Variants in SYT16 observed in about 807,000 individuals in gnomAD.
The protein encoded by SYT16 is synaptotagmin 16, also known as synaptotagmin-16.
Under a neutral mutation model 61.4 loss-of-function variants are expected in SYT16, and 42 were observed. That is an observed-to-expected ratio of 0.68 (90% CI 0.53 to 0.89). SYT16 has a LOEUF of 0.89. Among genes scored for constraint, SYT16 ranks in the 40% least tolerant of loss-of-function variants. The pLI, the probability that SYT16 is intolerant of heterozygous loss-of-function variation, is 0.00. For missense variants in SYT16, 804 were observed against 807.3 expected (o/e 1.00, Z 0.05); for synonymous variants, 314 against 302.3 (o/e 1.04, Z -0.40).
intron 2 of SYT16, among the ~76,000 whole-genome samples, chr14:61,975,513 G>T (rs1476271944): frequency 6.6e-6 from 1 of 152,194 alleles, no homozygotes; most frequent in African/African-American, 2.4e-5. Flanking sequence ...TGGTGAGGGG[G>T]AGACAGGAGC....
rs891953410 is a variant in SYT16, at chr14:62,083,527, C to T, written c.1435-669C>T. On this transcript the variant is annotated intron_variant, in intron 6 of 7. Coordinates refer to ENST00000683842, the MANE Select transcript of SYT16 (RefSeq NM_001367656.1). Reference sequence around the variant, plus strand: ...ATAAACATGACAGAAAGCTCAGGTTCTCCTGGGCTCACTTGGTGCCTGCCA... The same window carrying T: ...ATAAACATGACAGAAAGCTCAGGTTTTCCTGGGCTCACTTGGTGCCTGCCA... Among the ~76,000 whole-genome samples, 3 of 152,224 alleles carry T rather than the reference C, an allele frequency of 2.0e-5. No homozygotes were observed. In the East Asian group the frequency reaches 5.8e-4, roughly 29 times the overall value.
intron 1 of SYT16, among the ~76,000 whole-genome samples, chr14:61,903,143 ACTGGATTAGG>A (rs2048580944): frequency 6.6e-6 from 1 of 152,176 alleles, no homozygotes; most frequent in Admixed American, 6.6e-5. Context: ...CATCAGTCAT[ACTGGATTAGG>A]GGCCCATCTT....
intron 1 of SYT16, among the ~76,000 whole-genome samples, chr14:61,816,771 G>C (rs963552540): frequency 6.6e-6 from 1 of 152,076 alleles, no homozygotes; most frequent in African/African-American, 2.4e-5. Context: ...CAGCACTTTG[G>C]GAGGCCGAGG....
At chr14:61,817,007 TCACA>T (rs35451986) in intron 1 of SYT16, among the ~76,000 whole-genome samples, 12 of 115,668 alleles carry the variant, frequency 1.0e-4, no homozygotes, top group South Asian at 2.6e-4. Flanking sequence ...TGAGGCTCCG[TCACA>T]CACACACACA....
At chr14:61,830,655 A>C (rs144934712) in intron 1 of SYT16, among the ~76,000 whole-genome samples, 3,054 of 152,170 alleles carry the variant, frequency 0.02, 51 homozygotes, top group African/African-American at 0.042. Flanking sequence ...CTCACTCTCT[A>C]GTTGAGAGGA....
At chr14:62,079,733 T>G (rs1446054237) in intron 5 of SYT16, among the ~76,000 whole-genome samples, 1 of 152,222 alleles carries the variant, frequency 6.6e-6, no homozygotes, top group Non-Finnish European at 1.5e-5. Context: ...GATCATGCCT[T>G]CAGAGGAAAA....
At chr14:62,035,673 C>A (rs2054478767) in intron 3 of SYT16, among the ~76,000 whole-genome samples, 1 of 152,168 alleles carries the variant, frequency 6.6e-6, no homozygotes, top group Non-Finnish European at 1.5e-5. Context: ...TTGAAAGACA[C>A]TTTCCTATAA....
At chr14:62,027,690 GT>G (rs1330508716) in intron 3 of SYT16, among the ~76,000 whole-genome samples, 1 of 152,124 alleles carries the variant, frequency 6.6e-6, no homozygotes, top group Non-Finnish European at 1.5e-5. Flanking sequence ...GACCTTGCAT[GT>G]TTTATGTTAT....
intron 7 of SYT16, among the ~76,000 whole-genome samples, chr14:62,091,830 G>T (rs1006032427): frequency 6.6e-6 from 1 of 152,074 alleles, no homozygotes; most frequent in East Asian, 1.9e-4. Context: ...AAATGCATAG[G>T]CAACAAAATT....
chr14:62,067,226 G>T lies in SYT16; in HGVS notation c.524-2377G>T, dbSNP rs974007262. Among the ~76,000 whole-genome samples the T allele has an allele frequency of 3.3e-5, 5 of 152,270 alleles. No homozygotes were observed. In the South Asian group the frequency reaches 1.0e-3, roughly 32 times the overall value. On this transcript the variant is annotated intron_variant, in intron 3 of 7. Coordinates refer to ENST00000683842, the MANE Select transcript of SYT16 (RefSeq NM_001367656.1). ...TTATGAACTACTTACCGTGGAGAAG[G>T]CATTGTTTTACATATTGAGAGACAT...
chr14:61,818,054 A>G (rs969767057), intron 1 of SYT16, among the ~76,000 whole-genome samples: 3 of 152,226 alleles, frequency 2.0e-5, no homozygotes, highest in Non-Finnish European at 4.4e-5. Flanking sequence ...GTCTAATACT[A>G]TTGAGTTTAC....
At chr14:62,067,047 C>T (rs1248194097) in intron 3 of SYT16, among the ~76,000 whole-genome samples, 1 of 151,980 alleles carries the variant, frequency 6.6e-6, no homozygotes, top group Non-Finnish European at 1.5e-5. Flanking sequence ...AGATTCCTGA[C>T]TAGTGTATAT....
chr14:62,017,236 C>T (rs139699469), intron 3 of SYT16, among the ~76,000 whole-genome samples: 3 of 152,308 alleles, frequency 2.0e-5, no homozygotes, highest in African/African-American at 7.2e-5. Context: ...CTTCCTCCTA[C>T]TTACCTGGTC....
chr14:62,088,847 T>C (rs4902104), intron 7 of SYT16, among the ~76,000 whole-genome samples: 4 of 151,878 alleles, frequency 2.6e-5, no homozygotes, highest in Non-Finnish European at 5.9e-5. Context: ...TTAGGTATAA[T>C]ATACTGGGGA....
intron 1 of SYT16, among the ~76,000 whole-genome samples, chr14:61,907,573 A>C (rs1484728355): frequency 6.6e-6 from 1 of 152,180 alleles, no homozygotes; most frequent in Non-Finnish European, 1.5e-5. Context: ...TGTTGGCTGG[A>C]GGCCACAGTT....
At chr14:61,867,323 T>G (rs2047190324) in intron 1 of SYT16, among the ~76,000 whole-genome samples, 1 of 152,086 alleles carries the variant, frequency 6.6e-6, no homozygotes, top group Non-Finnish European at 1.5e-5. Context: ...CGTTAAAATT[T>G]GTTGAGAAAA....
intron 3 of SYT16, among the ~76,000 whole-genome samples, chr14:62,001,040 T>A (rs1461491096): frequency 6.6e-6 from 1 of 151,962 alleles, no homozygotes; most frequent in Non-Finnish European, 1.5e-5. Flanking sequence ...CCAGCCTAGG[T>A]GACAGATTGA....
chr14:61,894,546 T>G (rs1282322670), intron 1 of SYT16, among the ~76,000 whole-genome samples: 2 of 152,114 alleles, frequency 1.3e-5, no homozygotes, highest in African/African-American at 4.8e-5. Context: ...ACACAGAAGG[T>G]GAACAGATGG....
intron 1 of SYT16, among the ~76,000 whole-genome samples, chr14:61,927,895 A>G (rs565445203): frequency 1.3e-5 from 2 of 152,296 alleles, no homozygotes; most frequent in South Asian, 4.2e-4. Context: ...AGGTAGCCTC[A>G]ATTGAATCAA....
Sources: allele counts gnomAD v4.1 joint callset (sites outside exome capture counted in the v4.1 genomes callset), GRCh38; gene constraint gnomAD v4.1.1; transcripts MANE v1.5; gene names NCBI Gene and HGNC (gene_info 2026-07-23, HGNC 2026-07-21).